CADPS2: variants seen among roughly 807,000 people sequenced by gnomAD.
CADPS2 encodes calcium-dependent secretion activator 2.
In CADPS2, 93 loss-of-function variants were observed where a neutral mutation model predicts 172.5. That is an observed-to-expected ratio of 0.54 (90% confidence interval 0.46 to 0.64). CADPS2 has a LOEUF of 0.64. Ranked by LOEUF, CADPS2 falls within the 30% of genes least tolerant of loss-of-function variation. The probability of loss-of-function intolerance (pLI) is 0.00; values close to 1 mark genes in which losing one functional copy is unlikely to be tolerated. For synonymous variants in CADPS2, 546 were observed against 555.2 expected (o/e 0.98, Z 0.23); for missense variants, 1,420 against 1,565.9 (o/e 0.91, Z 1.57).
rs536796929 is a variant in CADPS2 at position 122,659,454 on chromosome 7, A to G, written c.786+3783T>C. On this transcript the variant is annotated intron_variant, in intron 3 of 29. Coordinates refer to ENST00000449022, the MANE Select transcript of CADPS2 (RefSeq NM_017954.11). ...CCCAAACTGAAATACAAAGAGAAAAAGAGTTGAACAAACAGAACGGACATC... is the reference window on the plus strand; with the variant it reads ...CCCAAACTGAAATACAAAGAGAAAAGGAGTTGAACAAACAGAACGGACATC... Among the ~76,000 whole-genome samples, 3 of 152,220 alleles carry G rather than the reference A, an allele frequency of 2.0e-5. No individual in the cohort carries two copies. The South Asian group carries it at 6.2e-4, about 32-fold the overall frequency.
chr7:122,769,116 A>G (rs2093637468), intron 1 of CADPS2, among the ~76,000 whole-genome samples: 1 of 152,204 alleles, frequency 6.6e-6, no homozygotes, highest in Admixed American at 6.5e-5. Flanking sequence ...AGACAACTGT[A>G]AGTAATGTTC....
At chr7:122,882,500 T>C in intron 1 of CADPS2, among the ~76,000 whole-genome samples, 1 of 152,138 alleles carries the variant, frequency 6.6e-6, no homozygotes, top group Admixed American at 6.6e-5. Flanking sequence ...TAAATATTGT[T>C]ACGAATTTAG....
chr7:122,451,014 G>A (rs903000909), intron 15 of CADPS2, among the ~76,000 whole-genome samples: 4 of 152,152 alleles, frequency 2.6e-5, no homozygotes, highest in Non-Finnish European at 5.9e-5. Context: ...AACTGAGAAA[G>A]GCCCCACTGT....
At chr7:122,395,481 A>C (rs1318269698) in intron 20 of CADPS2, 1 of 152,220 alleles carries the variant, frequency 6.6e-6, no homozygotes. Flanking sequence ...ACACTGAAAG[A>C]AGCTTTATTT....
At chr7:122,417,990 C>A (rs1191488079) in intron 17 of CADPS2, among the ~76,000 whole-genome samples, 1 of 151,870 alleles carries the variant, frequency 6.6e-6, no homozygotes, top group Non-Finnish European at 1.5e-5. Context: ...GCCAACATGG[C>A]GAAACCCCAT....
chr7:122,489,331 G>T (rs1291359608), intron 11 of CADPS2, among the ~76,000 whole-genome samples: 1 of 152,074 alleles, frequency 6.6e-6, no homozygotes, highest in Admixed American at 6.6e-5. Flanking sequence ...TATTCCCTTT[G>T]AGAAGAATCT....
intron 25 of CADPS2, among the ~76,000 whole-genome samples, chr7:122,376,066 T>C (rs1441883017): frequency 1.3e-5 from 2 of 152,072 alleles, no homozygotes; most frequent in Non-Finnish European, 2.9e-5. Context: ...ATGGCTATTA[T>C]CAACAACCCA....
At chr7:122,687,462 C>T (rs541258896) in intron 2 of CADPS2, among the ~76,000 whole-genome samples, 2 of 152,194 alleles carry the variant, frequency 1.3e-5, no homozygotes, top group East Asian at 1.9e-4. Flanking sequence ...GGAACCAGAA[C>T]AAGTTCAAAT....
intron 3 of CADPS2, among the ~76,000 whole-genome samples, chr7:122,637,177 T>C (rs1480044704): frequency 7.9e-5 from 1 of 12,728 alleles, no homozygotes. Context: ...TTTGCTTTTT[T>C]TTTTTTTTTT....
intron 24 of CADPS2, among the ~76,000 whole-genome samples, chr7:122,380,435 T>C (rs1234916691): frequency 2.0e-5 from 3 of 152,016 alleles, no homozygotes; most frequent in East Asian, 1.9e-4. Context: ...GCTGGTTGAA[T>C]GGTTTCTTAA....
intron 2 of CADPS2, among the ~76,000 whole-genome samples, chr7:122,680,877 C>T (rs1202579353): frequency 4.0e-5 from 6 of 151,846 alleles, no homozygotes; most frequent in African/African-American, 9.7e-5. Context: ...TTGGAACCAA[C>T]CCAAATGTCC....
At chr7:122,630,329 A>C (rs1272376370) in intron 3 of CADPS2, among the ~76,000 whole-genome samples, 1 of 152,126 alleles carries the variant, frequency 6.6e-6, no homozygotes, top group Non-Finnish European at 1.5e-5. Flanking sequence ...GAGTAGAAGC[A>C]AACCAGATTA....
At chr7:122,356,634 G>A (rs534072044) in intron 27 of CADPS2, among the ~76,000 whole-genome samples, 1 of 152,160 alleles carries the variant, frequency 6.6e-6, no homozygotes, top group Non-Finnish European at 1.5e-5. Context: ...TGGGAGAGCT[G>A]TCTTTTCTCC....
At chr7:122,636,931 C>G (rs2077122318) in intron 3 of CADPS2, among the ~76,000 whole-genome samples, 1 of 152,086 alleles carries the variant, frequency 6.6e-6, no homozygotes, top group Non-Finnish European at 1.5e-5. Flanking sequence ...GGACTATATC[C>G]TCTAATGTTT....
intron 2 of CADPS2, among the ~76,000 whole-genome samples, chr7:122,677,233 G>C (rs2082474460): frequency 6.6e-6 from 1 of 152,216 alleles, no homozygotes; most frequent in South Asian, 2.1e-4. Context: ...CTATAAGTTT[G>C]TAACAAAGTT....
At chr7:122,450,254 A>C (rs1252603462) in intron 15 of CADPS2, among the ~76,000 whole-genome samples, 2 of 152,144 alleles carry the variant, frequency 1.3e-5, no homozygotes, top group African/African-American at 2.4e-5. Flanking sequence ...ATAAGTGCAA[A>C]ATAAGAGCAT....
chr7:122,817,493 G>A (rs367852004), intron 1 of CADPS2, among the ~76,000 whole-genome samples: 34 of 152,152 alleles, frequency 2.2e-4, no homozygotes, highest in East Asian at 7.7e-4. Flanking sequence ...CTCTGGCGCC[G>A]GTCACAGACT....
At chr7:122,846,951 C>G (rs572124381) in intron 1 of CADPS2, among the ~76,000 whole-genome samples, 70 of 152,268 alleles carry the variant, frequency 4.6e-4, no homozygotes, top group South Asian at 3.7e-3. Context: ...ACCTACTGAC[C>G]CAGTATGCCC....
intron 1 of CADPS2, among the ~76,000 whole-genome samples, chr7:122,748,739 C>T (rs977966207): frequency 6.6e-6 from 1 of 152,134 alleles, no homozygotes; most frequent in African/African-American, 2.4e-5. Context: ...CTTTGTGCAC[C>T]ATCCTTCTAG....
Sources: gnomAD v4.1 joint callset for allele counts (sites outside exome capture counted in the v4.1 genomes callset) on GRCh38, gnomAD v4.1.1 for gene constraint, MANE v1.5 for transcripts, NCBI Gene and HGNC (gene_info 2026-07-23, HGNC 2026-07-21) for gene names.